The following MYH10 variants were observed in gnomAD, a reference collection of about 807,000 sequenced individuals.
MYH10 encodes myosin-10.
MYH10 carries 55 observed loss-of-function variants against 257.8 expected under a neutral mutation model. That is an observed-to-expected ratio of 0.21 (90% confidence interval 0.17 to 0.27). The LOEUF is 0.27. Among genes scored for constraint, MYH10 ranks in the 10% least tolerant of loss-of-function variants. MYH10 has a pLI of 1.00. For missense variants in MYH10, 1,631 were observed against 2,500.6 expected (o/e 0.65, Z 7.42); for synonymous variants, 854 against 921.7 (o/e 0.93, Z 1.33).
Position 8,514,211 on chromosome 17 carries a change from C to T in MYH10, c.2505-317G>A, listed in dbSNP as rs1463149883. 1.1e-4 allele frequency among the ~76,000 whole-genome samples: 17 copies of T among 152,174 alleles called. 1 individual carries two copies. The highest frequency in any genetic ancestry group is 1.1e-3 in the Admixed American group (17 of 15,274). On this transcript the variant is annotated intron_variant, in intron 21 of 42. Coordinates refer to ENST00000360416, the MANE Select transcript of MYH10 (RefSeq NM_001256012.3). ...CTGCGCACACTAAGAAACCGATTTTCCTGAGGCAATGAAGACTGTAGACAG... is the reference window on the plus strand; with the variant it reads ...CTGCGCACACTAAGAAACCGATTTTTCTGAGGCAATGAAGACTGTAGACAG...
chr17:8,489,047 G>A (rs1314925894), intron 35 of MYH10, among the ~76,000 whole-genome samples: 1 of 152,008 alleles, frequency 6.6e-6, no homozygotes, highest in Non-Finnish European at 1.5e-5. Flanking sequence ...GTCATAAAAG[G>A]CCCGGAAGCT....
At chr17:8,619,903 C>T (rs919531152) in intron 2 of MYH10, among the ~76,000 whole-genome samples, 12 of 151,858 alleles carry the variant, frequency 7.9e-5, no homozygotes, top group South Asian at 2.1e-4. Context: ...CCAGCCTGGG[C>T]GACAGAGCAA....
At chr17:8,564,543 C>G (rs978814734) in intron 7 of MYH10, among the ~76,000 whole-genome samples, 3 of 152,188 alleles carry the variant, frequency 2.0e-5, no homozygotes, top group Non-Finnish European at 4.4e-5. Context: ...TCAACAACAT[C>G]ATGACATGCC....
At chr17:8,582,385 A>G (rs1398058744) in intron 4 of MYH10, among the ~76,000 whole-genome samples, 1 of 151,308 alleles carries the variant, frequency 6.6e-6, no homozygotes. Context: ...TCCATCAACA[A>G]AATGAGATGT....
chr17:8,476,086 A>G, intron 42 of MYH10, 138 bp from the exon 43 acceptor site: 1 of 1,004,332 alleles, frequency 1.0e-6, no homozygotes, highest in East Asian at 2.6e-5. Context: ...GGGTGGCGGT[A>G]CGATGGGGAA....
rs1301110946 is a variant in MYH10 at position 8,504,604 on chromosome 17, C to T, written c.3599+90G>A. 5.1e-6 allele frequency: 6 copies of T among 1,170,530 alleles called. No homozygotes were observed. The highest frequency in any genetic ancestry group is 4.1e-5 in the Admixed American group (2 of 48,276). 72.5% of individuals were successfully genotyped at this position (1,170,530 alleles called of 1,614,324 possible). On this transcript the variant is annotated intron_variant, in intron 28 of 42. Coordinates refer to ENST00000360416, the MANE Select transcript of MYH10 (RefSeq NM_001256012.3). The surrounding 1 kb of genome is among the most constrained non-coding windows in gnomAD (Gnocchi z 5.6). ...ATCACAAGGAAAAGCACACCACCTC[C>T]CAAAGATAGCAAGCACACCAGGCAT...
rs201394166 is a variant in MYH10 at position 8,481,348 on chromosome 17, G to C, written c.5238C>G (p.Asp1746Glu). The change falls in exon 38 of 43, where the codon GAC becomes GAG. Residue 1746 changes from aspartate (D) to glutamate (E), a missense_variant. Physicochemically the swap from Asp to Glu is conservative, Grantham distance 45 (BLOSUM62 2). Transcript: ENST00000360416. Reference protein sequence around the residue: ...HAEQERDELADEITNSASGKS... With the variant: ...HAEQERDELAEEITNSASGKS... ...TGCCAGAGGCGCTGTTGGTGATCTC[G>C]TCCGCCAGCTCATCTCTCTCCTGCT... is the stretch of plus-strand genomic sequence containing the variant. The C allele has an allele frequency of 1.2e-6, 2 of 1,613,908 alleles. No individual in the cohort carries two copies. The highest frequency in any genetic ancestry group is 1.1e-5 in the South Asian group (1 of 91,090).
At chr17:8,592,276 AAAGT>A (rs1298639259) in intron 3 of MYH10, among the ~76,000 whole-genome samples, 2 of 152,216 alleles carry the variant, frequency 1.3e-5, no homozygotes, top group South Asian at 2.1e-4. Flanking sequence ...AATTAAATCA[AAAGT>A]AAGGAGAAGA....
chr17:8,529,571 T>C lies in MYH10; in HGVS notation c.1957+1052A>G, dbSNP rs558015181. On this transcript the variant is annotated intron_variant, in intron 17 of 42. Coordinates refer to ENST00000360416, the MANE Select transcript of MYH10 (RefSeq NM_001256012.3). The stretch of plus-strand genomic sequence containing the variant: ...AGAGATCTCTTCCTTTGGAGTTCCG[T>C]AGAATTTTCATTCCTGCTTATGCTG... Among the ~76,000 whole-genome samples the C allele has an allele frequency of 1.2e-4, 19 of 152,336 alleles. No homozygotes were observed. The South Asian group carries it at 1.9e-3, about 15-fold the overall frequency.
At chr17:8,503,942 C>T (rs1175548906) in intron 28 of MYH10, among the ~76,000 whole-genome samples, 1 of 152,124 alleles carries the variant, frequency 6.6e-6, no homozygotes, top group African/African-American at 2.4e-5. Context: ...TGGCCTCTGC[C>T]AGGACAGCAA....
chr17:8,542,754 C>A (rs1174344325), intron 13 of MYH10, among the ~76,000 whole-genome samples: 1 of 152,204 alleles, frequency 6.6e-6, no homozygotes, highest in Non-Finnish European at 1.5e-5. Flanking sequence ...TCCCACTCCA[C>A]TGTCACTCAG....
chr17:8,522,571 C>T (rs1054043646), intron 17 of MYH10, among the ~76,000 whole-genome samples: 52 of 152,274 alleles, frequency 3.4e-4, no homozygotes, highest in Non-Finnish European at 8.8e-5. Context: ...GTGCCTTCAA[C>T]CTCTCCCTCT....
At chr17:8,546,509 A>G in intron 12 of MYH10, 35 bp downstream of exon 12, 1 of 1,554,176 alleles carries the variant, frequency 6.4e-7, no homozygotes, top group Non-Finnish European at 8.9e-7. Context: ...TTATCATTCA[A>G]ACAAATCAGT....
chr17:8,554,277 C>G (rs1036847530), intron 7 of MYH10: 4 of 226,788 alleles, frequency 1.8e-5, no homozygotes, highest in Non-Finnish European at 3.5e-5. Flanking sequence ...AGATCCCAGT[C>G]ATTCAGAAGT....
At chr17:8,591,803 C>G (rs1196083567) in intron 3 of MYH10, among the ~76,000 whole-genome samples, 5 of 152,138 alleles carry the variant, frequency 3.3e-5, no homozygotes, top group Non-Finnish European at 7.3e-5. Context: ...AAAAAACCAA[C>G]TCTCTTCTAG....
At chr17:8,571,905 A>G (rs2152006591) in intron 6 of MYH10, among the ~76,000 whole-genome samples, 1 of 146,140 alleles carries the variant, frequency 6.8e-6, no homozygotes, top group East Asian at 2.0e-4. Flanking sequence ...ACTTTGCATT[A>G]ACTGTTTGGG....
chr17:8,613,913 C>A (rs1173717778), intron 2 of MYH10, among the ~76,000 whole-genome samples: 1 of 151,900 alleles, frequency 6.6e-6, no homozygotes. Context: ...AAGGCTAATG[C>A]AAATATCAGA....
intron 4 of MYH10, among the ~76,000 whole-genome samples, chr17:8,582,905 A>C (rs1169703033): frequency 6.6e-6 from 1 of 152,140 alleles, no homozygotes; most frequent in Non-Finnish European, 1.5e-5. Flanking sequence ...TTCAAAAATC[A>C]CCCTCTGCTT....
chr17:8,524,980 C>T (rs1017996687), intron 17 of MYH10, among the ~76,000 whole-genome samples: 6 of 152,176 alleles, frequency 3.9e-5, no homozygotes, highest in Admixed American at 3.9e-4. Context: ...GCTAAGGAGA[C>T]CACGCTTCAG....
Sources: gnomAD v4.1 joint callset for allele counts (sites outside exome capture counted in the v4.1 genomes callset) on GRCh38, gnomAD v4.1.1 for gene constraint, Gnocchi (gnomAD v3.1) non-coding constraint, MANE v1.5 for transcripts, NCBI Gene and HGNC (gene_info 2026-07-23, HGNC 2026-07-21) for gene names.